VPS26B: variants seen among roughly 807,000 people sequenced by gnomAD.
VPS26B encodes the protein vacuolar protein sorting-associated protein 26B.
A neutral mutation model predicts 33.3 loss-of-function variants in VPS26B; 10 were observed. The observed-to-expected ratio is 0.30, with a 90% CI of 0.19 to 0.51. VPS26B has a LOEUF of 0.51. Among genes scored for constraint, VPS26B ranks in the 20% least tolerant of loss-of-function variants. VPS26B has a pLI of 0.98. For missense variants in VPS26B, 317 were observed against 452.7 expected, an observed-to-expected ratio of 0.70 and a Z score of 2.72; for synonymous variants, 190 against 176.9, an observed-to-expected ratio of 1.07 and a Z score of -0.59.
At chr11:134,242,858 G>A (rs1237358123) in intron 3 of VPS26B, among the ~76,000 whole-genome samples, 1 of 152,256 alleles carries the variant, frequency 6.6e-6, no homozygotes, top group African/African-American at 2.4e-5. Flanking sequence ...GGGAGATAGA[G>A]CAGATGAACA....
Position 134,245,719 on chromosome 11 carries a change from G to A in VPS26B, c.*129G>A. ...TACTTGCAACCTGAAAACAAATCAT[G>A]TTTTTGACTTAAATTCTTTTCTCTG... On this transcript the variant is annotated 3_prime_UTR_variant, in exon 6 of 6. Coordinates refer to ENST00000281187, the MANE Select transcript of VPS26B (RefSeq NM_052875.5). This position sits in a 1 kb window ranked among gnomAD's most constrained non-coding sequence, Gnocchi z 4.7. 7.9e-7 allele frequency: 1 copy of A among 1,259,372 alleles called. No individual in the cohort carries two copies. 78.0% of individuals were successfully genotyped at this position (1,259,372 alleles called of 1,614,324 possible).
chr11:134,240,794 CGTGTGTGTGTGT>C lies in VPS26B; in HGVS notation c.545+662_545+673del, dbSNP rs55726358. 5.8e-5 allele frequency among the ~76,000 whole-genome samples: 8 copies of C among 138,434 alleles called. No homozygotes were observed. Among genetic ancestry groups the C allele is most frequent in the African/African-American group, 8.3e-5 (3 of 36,342 alleles). The allele number at this position is 138,434 out of a possible 152,430, so 90.8% of individuals were successfully genotyped here. Reference sequence around the variant, plus strand: ...GTGTCCGTGTGTGTGTGTGTGTGTCCGTGTGTGTGTGTGTGTGTGTGTGTGTGTGTGTGTAGC... The same window carrying C: ...GTGTCCGTGTGTGTGTGTGTGTGTCCGTGTGTGTGTGTGTGTGTGTGTAGC... On this transcript the variant is annotated intron_variant, in intron 3 of 5. Coordinates refer to ENST00000281187, the MANE Select transcript of VPS26B (RefSeq NM_052875.5). The surrounding 1 kb of genome is among the most constrained non-coding windows in gnomAD (Gnocchi z 4.4).
In VPS26B at chr11:134,229,426, C is replaced by T. The variant is rs144732010; in HGVS notation, c.223+4081C>T. ...GAAGCTGTCTGCTAGACATGTCCAC[C>T]GGGATACCCTACAGGTGCCTCAGTA... On this transcript the variant is annotated intron_variant, in intron 1 of 5. Coordinates refer to ENST00000281187, the MANE Select transcript of VPS26B (RefSeq NM_052875.5). Among the ~76,000 whole-genome samples the T allele has an allele frequency of 6.2e-4, 95 of 152,306 alleles. No homozygotes were observed. The East Asian group carries it at 0.017, about 27-fold the overall frequency.
In VPS26B at chr11:134,244,010, C is replaced by T. The variant is rs1938770880; in HGVS notation, c.721+716C>T. On this transcript the variant is annotated intron_variant, in intron 4 of 5. Transcript: ENST00000281187. This position sits in a 1 kb window ranked among gnomAD's most constrained non-coding sequence, Gnocchi z 4.0. ...GTTTTATTGGCTTATTCCTTTTACTCCCACAGGCTGTTCCATGTGGAAGGA... is the reference window on the plus strand; with the variant it reads ...GTTTTATTGGCTTATTCCTTTTACTTCCACAGGCTGTTCCATGTGGAAGGA... The T allele has an allele frequency of 6.6e-6, 1 of 152,214 alleles. No individual in the cohort carries two copies. The highest frequency in any genetic ancestry group is 2.1e-4 in the South Asian group (1 of 4,834). 9.4% of individuals were successfully genotyped at this position (152,214 alleles called of 1,614,324 possible). A position where few individuals can be genotyped will look rare whatever the true frequency, so the allele number is the denominator to read the frequency against.
At position 134,234,988 on chromosome 11, in the gene VPS26B, C is replaced by A; in HGVS notation, c.315C>A (p.Phe105Leu). The change falls in exon 2 of 6, where the codon TTC (phenylalanine) becomes TTA (leucine). Residue 105 changes from phenylalanine (F) to leucine (L), a missense_variant. Phe to Leu is a conservative substitution (Grantham distance 22). Transcript: ENST00000281187. The part of the protein sequence containing the change: ...RPGEITQSQA[F>L]DFEFTHVEKP... ...GAGAGATCACCCAGTCGCAGGCCTTCGACTTTGAGTTTACCCACGTGGAGA... is the reference window on the plus strand; with the variant it reads ...GAGAGATCACCCAGTCGCAGGCCTTAGACTTTGAGTTTACCCACGTGGAGA... The A allele has an allele frequency of 6.2e-7, 1 of 1,614,122 alleles. No homozygotes were observed. Among genetic ancestry groups the A allele is most frequent in the East Asian group, 2.2e-5 (1 of 44,876 alleles).
chr11:134,243,046 T>C (rs1438164793), intron 3 of VPS26B, 73 bp from the exon 4 acceptor site: 107 of 1,503,900 alleles, frequency 7.1e-5, no homozygotes, highest in Non-Finnish European at 8.9e-5. Flanking sequence ...GGCCGTGGCG[T>C]GTGCGCTCTA....
intron 1 of VPS26B, among the ~76,000 whole-genome samples, chr11:134,228,817 A>C (rs895072431): frequency 6.6e-6 from 1 of 152,112 alleles, no homozygotes; most frequent in Non-Finnish European, 1.5e-5. Flanking sequence ...TTTCTCCTTC[A>C]TTGCATTCTT....
At chr11:134,226,496 T>A (rs1183705716) in intron 1 of VPS26B, among the ~76,000 whole-genome samples, 1 of 152,170 alleles carries the variant, frequency 6.6e-6, no homozygotes, top group African/African-American at 2.4e-5. Context: ...CAAGACTGGG[T>A]CGTCTCCAAT....
Position 134,245,609 on chromosome 11 carries a change from A to G in VPS26B, c.*19A>G. On this transcript the variant is annotated 3_prime_UTR_variant, in exon 6 of 6. Coordinates refer to ENST00000281187, the MANE Select transcript of VPS26B (RefSeq NM_052875.5). This position sits in a 1 kb window ranked among gnomAD's most constrained non-coding sequence, Gnocchi z 4.7. Reference sequence around the variant, plus strand: ...GCAGTAGGCCCCCAGGGCCGAGAAGATGCTGGGCACCCACCCAGCACCCCC... The same window carrying G: ...GCAGTAGGCCCCCAGGGCCGAGAAGGTGCTGGGCACCCACCCAGCACCCCC... 2 of 1,593,910 alleles carry G rather than the reference A, an allele frequency of 1.3e-6. No homozygotes were observed. Among genetic ancestry groups the G allele is most frequent in the Non-Finnish European group, 1.7e-6 (2 of 1,172,040 alleles).
Position 134,224,949 on chromosome 11 carries a change from T to G in VPS26B, c.-174T>G. 5.7e-6 allele frequency: 2 copies of G among 351,792 alleles called. No homozygotes were observed. The highest frequency in any genetic ancestry group is 9.2e-6 in the Non-Finnish European group (2 of 218,468). 21.8% of individuals were successfully genotyped at this position (351,792 alleles called of 1,614,324 possible). On this transcript the variant is annotated 5_prime_UTR_variant, in exon 1 of 6. Coordinates refer to ENST00000281187, the MANE Select transcript of VPS26B (RefSeq NM_052875.5). ...CTCCCCCGGCCGTGCCCCTCCCCCGTGGAGCCGGCTGTCCGTCGGCGCCCA... is the reference window on the plus strand; with the variant it reads ...CTCCCCCGGCCGTGCCCCTCCCCCGGGGAGCCGGCTGTCCGTCGGCGCCCA...
rs1455253764 is a variant in VPS26B, at chr11:134,240,518, T to C, written c.545+363T>C. The stretch of plus-strand genomic sequence containing the variant: ...ACAATCTCAGAATACCATTCCATTA[T>C]CATGTGCTCCCTCCATCTGTGTCTT... On this transcript the variant is annotated intron_variant, in intron 3 of 5. Transcript: ENST00000281187. This position sits in a 1 kb window ranked among gnomAD's most constrained non-coding sequence, Gnocchi z 4.4. Among the ~76,000 whole-genome samples, 2 of 152,210 alleles carry C rather than the reference T, an allele frequency of 1.3e-5. No individual in the cohort carries two copies. Among genetic ancestry groups the C allele is most frequent in the Non-Finnish European group, 2.9e-5 (2 of 68,036 alleles).
rs7936592 is a variant in VPS26B, at chr11:134,245,221, T to C, written c.864+141T>C. On this transcript the variant is annotated intron_variant, in intron 5 of 5. Transcript: ENST00000281187. This position sits in a 1 kb window ranked among gnomAD's most constrained non-coding sequence, Gnocchi z 4.7. Reference sequence around the variant, plus strand: ...AATTGCACAACAAGAATGAGGATTCTCACCTGGCCTTAGAGTCTGCTTCCT... The same window carrying C: ...AATTGCACAACAAGAATGAGGATTCCCACCTGGCCTTAGAGTCTGCTTCCT... 0.052 allele frequency: 71,358 copies of C among 1,359,348 alleles called. 4,662 individuals are homozygous for C. Among genetic ancestry groups the C allele is most frequent in the African/African-American group, 0.32 (21,766 of 68,232 alleles). 84.2% of individuals were successfully genotyped at this position (1,359,348 alleles called of 1,614,324 possible). A position where few individuals can be genotyped will look rare whatever the true frequency, so the allele number is the denominator to read the frequency against.
intron 1 of VPS26B, among the ~76,000 whole-genome samples, chr11:134,228,376 G>A (rs1938508860): frequency 6.6e-6 from 1 of 151,066 alleles, no homozygotes; most frequent in Non-Finnish European, 1.5e-5. Flanking sequence ...CGATGTAAAA[G>A]GGAGTTTGTG....
At chr11:134,239,822 T>C (rs1400398151) in intron 2 of VPS26B, 169 bp from the exon 3 acceptor site, 4 of 703,410 alleles carry the variant, frequency 5.7e-6, no homozygotes, top group South Asian at 3.4e-5. Flanking sequence ...TAGGTACATA[T>C]GTGCATCTTT....
intron 3 of VPS26B, among the ~76,000 whole-genome samples, chr11:134,242,570 C>T (rs564908195): frequency 2.0e-5 from 3 of 152,344 alleles, no homozygotes; most frequent in South Asian, 2.1e-4. Context: ...TGGCTCACTT[C>T]GTAACAACTC....
At position 134,246,166 on chromosome 11, in the gene VPS26B, G is replaced by A. The variant is rs1039971893; in HGVS notation, c.*576G>A. The A allele has an allele frequency of 3.2e-5, 5 of 153,902 alleles. No individual in the cohort carries two copies. The highest frequency in any genetic ancestry group is 3.2e-4 in the Admixed American group (5 of 15,612). 9.5% of individuals were successfully genotyped at this position (153,902 alleles called of 1,614,324 possible). A position where few individuals can be genotyped will look rare whatever the true frequency, so the allele number is the denominator to read the frequency against. On this transcript the variant is annotated 3_prime_UTR_variant, in exon 6 of 6. Transcript: ENST00000281187. ...CCTCCTTCTGGCCACTCACTGCTGG[G>A]ACCCAGGCACCTCCCTTCTCCATCC...
chr11:134,229,029 T>C (rs950421132), intron 1 of VPS26B, among the ~76,000 whole-genome samples: 7 of 152,180 alleles, frequency 4.6e-5, no homozygotes, highest in African/African-American at 1.7e-4. Context: ...TTCTTTGTTT[T>C]TTATTTAAAA....
chr11:134,241,001 A>C (rs1938717247), intron 3 of VPS26B, among the ~76,000 whole-genome samples: 1 of 152,210 alleles, frequency 6.6e-6, no homozygotes, highest in South Asian at 2.1e-4. Flanking sequence ...AGTTGGGAAG[A>C]TGTATATCTT....
chr11:134,234,821 G>A, intron 1 of VPS26B, 76 bp from the exon 2 acceptor site: 1 of 1,550,620 alleles, frequency 6.4e-7, no homozygotes, highest in South Asian at 1.2e-5. Flanking sequence ...CCAGCCTACA[G>A]CCTCCAGCCC....
Sources: allele counts gnomAD v4.1 joint callset (sites outside exome capture counted in the v4.1 genomes callset), GRCh38; gene constraint gnomAD v4.1.1; non-coding constraint Gnocchi (gnomAD v3.1); transcripts MANE v1.5; gene names NCBI Gene and HGNC (gene_info 2026-07-23, HGNC 2026-07-21).